Variants in SYT4 observed in about 807,000 individuals in gnomAD.
SYT4 encodes the protein synaptotagmin 4.
SYT4 carries 7 observed loss-of-function variants against 32.9 expected under a neutral mutation model. The observed-to-expected ratio is 0.21, with a 90% CI of 0.12 to 0.40. SYT4 has a LOEUF of 0.40. Ranked by LOEUF, SYT4 falls within the 10% of genes least tolerant of loss-of-function variation. The pLI is 1.00. For missense variants in SYT4, 480 were observed against 488.0 expected, an observed-to-expected ratio of 0.98 and a Z score of 0.16; for synonymous variants, 205 against 186.2, an observed-to-expected ratio of 1.10 and a Z score of -0.82.
At chr18:43,271,477 T>G (rs934816659) in intron 3 of SYT4, among the ~76,000 whole-genome samples, 1 of 152,210 alleles carries the variant, frequency 6.6e-6, no homozygotes, top group African/African-American at 2.4e-5. Flanking sequence ...GGTTAGGATT[T>G]GAACTCAGGT....
intron 3 of SYT4, 31 bp from the exon 4 acceptor site, chr18:43,270,679 G>T: frequency 6.2e-7 from 1 of 1,604,136 alleles, no homozygotes; most frequent in South Asian, 1.1e-5. Context: ...CATTACAATG[G>T]CATAACTGGG....
intron 2 of SYT4, among the ~76,000 whole-genome samples, chr18:43,272,859 T>TA (rs1908672029): frequency 1.3e-5 from 2 of 152,264 alleles, no homozygotes; most frequent in Non-Finnish European, 2.9e-5. Context: ...CTATGTTGTT[T>TA]AAAAAACACA....
intron 1 of SYT4, among the ~76,000 whole-genome samples, chr18:43,276,885 T>C (rs1908811464): frequency 6.6e-6 from 1 of 152,092 alleles, no homozygotes; most frequent in Non-Finnish European, 1.5e-5. Flanking sequence ...CTTCTCCTAA[T>C]AAAATATAGA....
Position 43,268,152 on chromosome 18 carries a change from G to A in SYT4, c.*2189C>T, listed in dbSNP as rs1237860570. ...TTAATACAGTGCAGGATTTGTAACA[G>A]GATTCAAGATATTCACATTGATATT... On this transcript the variant is annotated 3_prime_UTR_variant, in exon 4 of 4. Coordinates refer to ENST00000255224, the MANE Select transcript of SYT4 (RefSeq NM_020783.4). The A allele has an allele frequency of 1.3e-5, 2 of 152,554 alleles. No homozygotes were observed. Among genetic ancestry groups the A allele is most frequent in the Non-Finnish European group, 2.9e-5 (2 of 68,024 alleles). The allele number at this position is 152,554 out of a possible 1,614,324, so 9.5% of individuals were successfully genotyped here.
chr18:43,276,108 A>G (rs1908784437), intron 1 of SYT4, among the ~76,000 whole-genome samples: 1 of 152,222 alleles, frequency 6.6e-6, no homozygotes, highest in South Asian at 2.1e-4. Flanking sequence ...TCAGGTTTCA[A>G]ATGAAGAATT....
At chr18:43,274,902 C>T (rs1249401161) in intron 1 of SYT4, among the ~76,000 whole-genome samples, 3 of 152,058 alleles carry the variant, frequency 2.0e-5, no homozygotes, top group Admixed American at 1.3e-4. Flanking sequence ...TGATATTTGC[C>T]ATTGCCACAA....
intron 1 of SYT4, among the ~76,000 whole-genome samples, chr18:43,275,943 G>A (rs950511764): frequency 6.6e-6 from 1 of 152,078 alleles, no homozygotes; most frequent in Non-Finnish European, 1.5e-5. Context: ...AGGCCAGGGA[G>A]CAAAAGCAAA....
At chr18:43,271,027 T>C (rs1908614665) in intron 3 of SYT4, among the ~76,000 whole-genome samples, 2 of 152,174 alleles carry the variant, frequency 1.3e-5, no homozygotes, top group African/African-American at 4.8e-5. Flanking sequence ...TACTGACTTG[T>C]ATGACTTTGG....
In SYT4 at chr18:43,277,453, CA is replaced by C; in HGVS notation, c.-173del. 1 of 656,824 alleles carries C rather than the reference CA, an allele frequency of 1.5e-6. No individual in the cohort carries two copies. The highest frequency in any genetic ancestry group is 2.6e-6 in the Non-Finnish European group (1 of 384,350). The allele number at this position is 656,824 out of a possible 1,614,324, so 40.7% of individuals were successfully genotyped here. On this transcript the variant is annotated 5_prime_UTR_variant, in exon 1 of 4. Coordinates refer to ENST00000255224, the MANE Select transcript of SYT4 (RefSeq NM_020783.4). ...AGAGGGAGGTCCACTCGCCCTCGCA[CA>C]GTGATTTGCCACCTCGGTTCCTGTT...
rs1201033249 is a variant in SYT4 at position 43,269,010 on chromosome 18, C to T, written c.*1331G>A. 1.3e-5 allele frequency: 2 copies of T among 152,256 alleles called. No individual in the cohort carries two copies. The highest frequency in any genetic ancestry group is 4.8e-5 in the African/African-American group (2 of 41,424). 9.4% of individuals were successfully genotyped at this position (152,256 alleles called of 1,614,324 possible). A position where few individuals can be genotyped will look rare whatever the true frequency, so the allele number is the denominator to read the frequency against. ...AGTTCCACTCATACTTCTCTAAGAA[C>T]TCAAATATAGTGACATTACTCTCAA... On this transcript the variant is annotated 3_prime_UTR_variant, in exon 4 of 4. Coordinates refer to ENST00000255224, the MANE Select transcript of SYT4 (RefSeq NM_020783.4).
chr18:43,276,447 G>A (rs965202656), intron 1 of SYT4, among the ~76,000 whole-genome samples: 6 of 151,932 alleles, frequency 3.9e-5, no homozygotes, highest in Non-Finnish European at 7.4e-5. Flanking sequence ...TTTTCCTTTG[G>A]AATATACTGA....
At chr18:43,272,707 A>G (rs1393171436) in intron 2 of SYT4, among the ~76,000 whole-genome samples, 1 of 152,134 alleles carries the variant, frequency 6.6e-6, no homozygotes, top group Non-Finnish European at 1.5e-5. Flanking sequence ...AGAGTAGAAG[A>G]AAGATCCTTA....
chr18:43,274,228 T>C lies in SYT4; in HGVS notation c.201A>G (p.Leu67=), dbSNP rs1486471127. 6.2e-6 allele frequency: 10 copies of C among 1,614,012 alleles called. No homozygotes were observed. The highest frequency in any genetic ancestry group is 7.6e-6 in the Non-Finnish European group (9 of 1,179,936). ...LKGVDIYPEN[L]NSKKKFGADD... ...CTGCTCCAAACTTCTTTTTGCTATT[T>C]AGGTTTTCAGGGTAAATATCAACTC... Residue 67 remains leucine (L), a synonymous_variant, in exon 2 of 4, where the codon CTA becomes CTG. Transcript: ENST00000255224.
chr18:43,272,525 T>C (rs1286031774), intron 2 of SYT4, among the ~76,000 whole-genome samples: 1 of 152,126 alleles, frequency 6.6e-6, no homozygotes, highest in East Asian at 1.9e-4. Flanking sequence ...TTAAAGACAA[T>C]AGATAAGATA....
At chr18:43,275,733 TAATGTACAGA>T (rs1425381611) in intron 1 of SYT4, among the ~76,000 whole-genome samples, 3 of 152,150 alleles carry the variant, frequency 2.0e-5, no homozygotes, top group Non-Finnish European at 4.4e-5. Context: ...TCCTGTATTT[TAATGTACAGA>T]AACTGAATCA....
chr18:43,271,915 G>C (rs920939195), intron 2 of SYT4, 83 bp from the exon 3 acceptor site: 5 of 1,356,224 alleles, frequency 3.7e-6, no homozygotes, highest in South Asian at 1.4e-5. Context: ...AAATAACATC[G>C]TCATTTAAAT....
chr18:43,275,152 T>C (rs1003970321), intron 1 of SYT4, among the ~76,000 whole-genome samples: 6 of 152,140 alleles, frequency 3.9e-5, no homozygotes, highest in Non-Finnish European at 8.8e-5. Context: ...GAATCAGCAT[T>C]CTTTAACATG....
chr18:43,270,596 C>T lies in SYT4; in HGVS notation c.1023G>A (p.Lys341=). 6.2e-7 allele frequency: 1 copy of T among 1,614,002 alleles called. No homozygotes were observed. Among genetic ancestry groups the T allele is most frequent in the Admixed American group, 1.7e-5 (1 of 60,014 alleles). The change falls in exon 4 of 4, where the codon AAG becomes AAA. Residue 341 remains lysine (K), a synonymous_variant. Coordinates refer to ENST00000255224, the MANE Select transcript of SYT4 (RefSeq NM_020783.4). The stretch of plus-strand genomic sequence containing the variant: ...GGGTGCATTTCTTCACATGAGTCTT[C>T]TTCTTGGAGATTCTCTTTTTGGCAT... ...LYHAKKRISK[K]KTHVKKCTPN... is the part of the protein sequence containing the mutation.
chr18:43,270,726 G>T lies in SYT4; in HGVS notation c.971-78C>A, dbSNP rs927662067. 6.8e-6 allele frequency: 10 copies of T among 1,476,994 alleles called. No homozygotes were observed. The Admixed American group carries it at 1.8e-4, about 27-fold the overall frequency. 91.5% of individuals were successfully genotyped at this position (1,476,994 alleles called of 1,614,324 possible). ...ATATCAAGATAACAGTGCCCTTAGA[G>T]ATCATGGCATGCCAATGACATGTGG... On this transcript the variant is annotated intron_variant, in intron 3 of 3. Coordinates refer to ENST00000255224, the MANE Select transcript of SYT4 (RefSeq NM_020783.4).
Sources: allele counts gnomAD v4.1 joint callset (sites outside exome capture counted in the v4.1 genomes callset), GRCh38; gene constraint gnomAD v4.1.1; transcripts MANE v1.5; gene names NCBI Gene and HGNC (gene_info 2026-07-23, HGNC 2026-07-21).